COL4A5: variants seen among roughly 807,000 people sequenced by gnomAD.
The protein encoded by COL4A5 is collagen type IV alpha 5 chain.
Under a neutral mutation model 130.2 loss-of-function variants are expected in COL4A5, and 26 were observed. That is an observed-to-expected ratio of 0.20 (90% CI 0.15 to 0.28). COL4A5 has a LOEUF of 0.28. Ranked by LOEUF, COL4A5 falls within the 10% of genes least tolerant of loss-of-function variation. The pLI is 1.00. For synonymous variants in COL4A5, 496 were observed against 439.6 expected (o/e 1.13, Z -1.60); for missense variants, 1,131 against 1,344.3 (o/e 0.84, Z 2.48).
intron 13 of COL4A5, among the ~76,000 whole-genome samples, chrX:108,579,981 C>G (rs2066214622): frequency 8.9e-6 from 1 of 111,767 alleles, no homozygotes; most frequent in Non-Finnish European, 1.9e-5. Flanking sequence ...TTAATTTTGC[C>G]TAGAAGATTT....
chrX:108,554,912 ATACTC>A (rs1266706941), intron 2 of COL4A5, among the ~76,000 whole-genome samples: 2 of 112,211 alleles, frequency 1.8e-5, no homozygotes, highest in Non-Finnish European at 1.9e-5. Flanking sequence ...TTAAAATAGT[ATACTC>A]TACGCATGTA....
At chrX:108,476,774 T>G (rs939883993) in intron 1 of COL4A5, among the ~76,000 whole-genome samples, 1 of 111,575 alleles carries the variant, frequency 9.0e-6, no homozygotes, top group African/African-American at 3.3e-5. Context: ...ATTCCTTTTA[T>G]GGCTGAATAG....
intron 2 of COL4A5, among the ~76,000 whole-genome samples, chrX:108,553,276 A>G (rs1318266846): frequency 8.9e-6 from 1 of 111,962 alleles, no homozygotes; most frequent in Non-Finnish European, 1.9e-5. Context: ...CTCTAAAAGT[A>G]TTGTTAAAAG....
chrX:108,631,385 G>A (rs186284496), intron 36 of COL4A5, among the ~76,000 whole-genome samples: 104 of 110,917 alleles, frequency 9.4e-4, no homozygotes, highest in Non-Finnish European at 3.2e-4. Context: ...CTTATAAGTT[G>A]TATTCCTAGG....
At chrX:108,512,119 G>A (rs1177611020) in intron 1 of COL4A5, among the ~76,000 whole-genome samples, 1 of 111,826 alleles carries the variant, frequency 8.9e-6, no homozygotes, top group Non-Finnish European at 1.9e-5. Context: ...TTAATAACTA[G>A]GGTTCAATAT....
chrX:108,471,924 A>G (rs930313156), intron 1 of COL4A5, among the ~76,000 whole-genome samples: 58 of 111,524 alleles, frequency 5.2e-4, no homozygotes, highest in Middle Eastern at 4.7e-3. Flanking sequence ...AGGTATAAAT[A>G]TAGGTCATTT....
chrX:108,680,396 G>C (rs924451564), intron 44 of COL4A5, among the ~76,000 whole-genome samples: 2 of 110,934 alleles, frequency 1.8e-5, no homozygotes, highest in African/African-American at 6.6e-5. Context: ...GTCAGCCAGG[G>C]GTATATTTTA....
At chrX:108,554,641 G>T (rs758020780) in intron 2 of COL4A5, among the ~76,000 whole-genome samples, 1 of 111,537 alleles carries the variant, frequency 9.0e-6, no homozygotes, top group African/African-American at 3.3e-5. Flanking sequence ...CAGGTGGATC[G>T]CTTGAGCCCA....
chrX:108,465,446 G>A (rs2064696682), intron 1 of COL4A5, among the ~76,000 whole-genome samples: 1 of 110,837 alleles, frequency 9.0e-6, no homozygotes, highest in Admixed American at 9.6e-5. Context: ...TGGATTACTT[G>A]CCTTCTTATA....
intron 36 of COL4A5, among the ~76,000 whole-genome samples, chrX:108,640,061 A>G (rs1382694977): frequency 8.9e-6 from 1 of 112,080 alleles, no homozygotes; most frequent in Non-Finnish European, 1.9e-5. Context: ...TTGAAAACAA[A>G]AATGGGACCT....
intron 16 of COL4A5, among the ~76,000 whole-genome samples, chrX:108,582,082 A>T (rs1332954130): frequency 9.0e-6 from 1 of 111,404 alleles, no homozygotes; most frequent in African/African-American, 3.3e-5. Flanking sequence ...ATTCTAAGGG[A>T]AAAGGATAAT....
At chrX:108,593,559 A>T (rs1352384858) in intron 21 of COL4A5, among the ~76,000 whole-genome samples, 1 of 110,685 alleles carries the variant, frequency 9.0e-6, no homozygotes, top group African/African-American at 3.3e-5. Context: ...TTTACCTTTC[A>T]CGTTTTGATC....
intron 1 of COL4A5, among the ~76,000 whole-genome samples, chrX:108,488,693 T>G (rs753678287): frequency 8.9e-6 from 1 of 112,276 alleles, no homozygotes; most frequent in South Asian, 3.7e-4. Context: ...TTTCATATAT[T>G]TAAGATCCTG....
intron 1 of COL4A5, chrX:108,462,436 A>G (rs1226339570): frequency 8.9e-6 from 1 of 112,168 alleles, no homozygotes; most frequent in African/African-American, 3.2e-5. Flanking sequence ...TTTTTCAGAC[A>G]GGATCTCACT....
At position 108,584,530 on chromosome X, in the gene COL4A5, G is replaced by GTTT; in HGVS notation, c.1032+15_1032+17dup. 2 of 973,385 alleles carry GTTT rather than the reference G, an allele frequency of 2.1e-6. No homozygotes were observed. The highest frequency in any genetic ancestry group is 2.7e-5 in the Admixed American group (1 of 36,765). 80.2% of individuals were successfully genotyped at this position (973,385 alleles called of 1,213,427 possible). A position where few individuals can be genotyped will look rare whatever the true frequency, so the allele number is the denominator to read the frequency against. The stretch of plus-strand genomic sequence containing the variant: ...CCACCTGGACCTCCTGGACTTGTAA[G>GTTT]TTTTTTTTTTTTAGTCTTCGTTTAT... On this transcript the variant is annotated splice_donor_region_variant and intron_variant, in intron 18 of 52. Transcript: ENST00000328300.
At chrX:108,442,292 T>C (rs1365255194) in intron 1 of COL4A5, among the ~76,000 whole-genome samples, 1 of 111,723 alleles carries the variant, frequency 9.0e-6, no homozygotes, top group Admixed American at 9.5e-5. Context: ...CTTTTATAGG[T>C]AAATGATTTC....
At chrX:108,569,083 G>T (rs1404473165) in intron 6 of COL4A5, 3 of 296,495 alleles carry the variant, frequency 1.0e-5, no homozygotes, top group Non-Finnish European at 1.8e-5. Context: ...AGTAGGATGA[G>T]AATTAAAACG....
At chrX:108,487,390 CA>C (rs139062835) in intron 1 of COL4A5, among the ~76,000 whole-genome samples, 2,078 of 53,385 alleles carry the variant, frequency 0.039, 18 homozygotes, top group Middle Eastern at 0.078. Flanking sequence ...AACTCTGTCT[CA>C]AAAAAAAAAA....
At chrX:108,472,667 T>C (rs1488382395) in intron 1 of COL4A5, among the ~76,000 whole-genome samples, 2 of 112,074 alleles carry the variant, frequency 1.8e-5, no homozygotes, top group African/African-American at 6.5e-5. Context: ...ATTATTTTCC[T>C]GGGATATCTT....
Sources: allele counts gnomAD v4.1 joint callset (sites outside exome capture counted in the v4.1 genomes callset), GRCh38; gene constraint gnomAD v4.1.1; transcripts MANE v1.5; gene names NCBI Gene and HGNC (gene_info 2026-07-23, HGNC 2026-07-21).